ANGPT2: variants seen among roughly 807,000 people sequenced by gnomAD.
The protein encoded by ANGPT2 is angiopoietin-2.
ANGPT2 carries 28 observed loss-of-function variants against 62.9 expected under a neutral mutation model. The ratio of observed to expected loss-of-function variants is 0.44; its 90% confidence interval spans 0.33 to 0.61. The LOEUF is 0.61. Among genes scored for constraint, ANGPT2 ranks in the 20% least tolerant of loss-of-function variants. The pLI, the probability that ANGPT2 is intolerant of heterozygous loss-of-function variation, is 0.03. For synonymous variants in ANGPT2, 284 were observed against 207.8 expected (o/e 1.37, Z -3.15); for missense variants, 727 against 594.9 (o/e 1.22, Z -2.31).
intron 8 of ANGPT2, among the ~76,000 whole-genome samples, chr8:6,505,422 TAAAG>T (rs1813318602): frequency 3.6e-5 from 3 of 83,624 alleles, no homozygotes; most frequent in African/African-American, 1.4e-4. Context: ...TTTATATACA[TAAAG>T]AATATATATA....
chr8:6,539,834 G>C (rs1010702034), intron 1 of ANGPT2, among the ~76,000 whole-genome samples: 2 of 152,328 alleles, frequency 1.3e-5, no homozygotes, highest in East Asian at 3.9e-4. Context: ...CCATCTGCCT[G>C]CCTTGGCCTC....
At chr8:6,562,118 C>A (rs1228467527) in intron 1 of ANGPT2, among the ~76,000 whole-genome samples, 2 of 152,196 alleles carry the variant, frequency 1.3e-5, no homozygotes, top group Non-Finnish European at 2.9e-5. Context: ...AATTTCCTCT[C>A]GTTTACCAAG....
chr8:6,515,864 A>G (rs1461082078), intron 5 of ANGPT2, among the ~76,000 whole-genome samples: 1 of 152,186 alleles, frequency 6.6e-6, no homozygotes, highest in Non-Finnish European at 1.5e-5. Flanking sequence ...TTAGAATCCT[A>G]AAGAGGAGAG....
chr8:6,515,637 A>G (rs1816122682), intron 5 of ANGPT2, among the ~76,000 whole-genome samples: 1 of 152,254 alleles, frequency 6.6e-6, no homozygotes, highest in South Asian at 2.1e-4. Context: ...ATAAGATTAC[A>G]TAAATAGTTT....
At chr8:6,531,405 C>T (rs768133760) in intron 2 of ANGPT2, among the ~76,000 whole-genome samples, 42 of 152,068 alleles carry the variant, frequency 2.8e-4, no homozygotes, top group African/African-American at 8.4e-4. Flanking sequence ...TCTCCTGCCT[C>T]AGCCTCCCAA....
chr8:6,515,796 A>T (rs2129568084), intron 5 of ANGPT2, among the ~76,000 whole-genome samples: 1 of 152,328 alleles, frequency 6.6e-6, no homozygotes, highest in East Asian at 1.9e-4. Flanking sequence ...TCTTTTTGAG[A>T]ATAATGGAGG....
At chr8:6,546,274 G>C (rs561492548) in intron 1 of ANGPT2, among the ~76,000 whole-genome samples, 52 of 152,230 alleles carry the variant, frequency 3.4e-4, no homozygotes, top group African/African-American at 9.6e-5. Flanking sequence ...ACCCAGCAGT[G>C]TTCAATGACT....
At chr8:6,508,769 T>C in intron 8 of ANGPT2, 163 bp downstream of exon 8, 2 of 1,027,350 alleles carry the variant, frequency 1.9e-6, no homozygotes, top group South Asian at 2.8e-5. Flanking sequence ...AAACTTAGTC[T>C]AAAAAAAGTG....
At chr8:6,515,588 TC>T (rs1297008941) in intron 5 of ANGPT2, among the ~76,000 whole-genome samples, 2 of 152,198 alleles carry the variant, frequency 1.3e-5, no homozygotes, top group Non-Finnish European at 2.9e-5. Context: ...CAATTTCAAC[TC>T]AGCTGGAGTT....
Position 6,509,054 on chromosome 8 carries a change from A to G in ANGPT2, c.1205T>C (p.Leu402Pro), listed in dbSNP as rs1814383397. Reference sequence around the variant, plus strand: ...GCCGGCTGTCCCTGTAAGTCCTTTAAGGTGAATCCTGTAAGCGTGCAAAGA... The same window carrying G: ...GCCGGCTGTCCCTGTAAGTCCTTTAGGGTGAATCCTGTAAGCGTGCAAAGA... Reference protein sequence around the residue: ...SSEELNYRIHLKGLTGTAGKI... With the variant: ...SSEELNYRIHPKGLTGTAGKI... The change falls in exon 8 of 9, where the codon CTT (leucine) becomes CCT (proline). Residue 402 changes from leucine (L) to proline (P), a missense_variant. Physicochemically the swap from Leu to Pro is moderately conservative, Grantham distance 98. Coordinates refer to ENST00000629816, the MANE Select transcript of ANGPT2 (RefSeq NM_001118887.2). 3 of 1,613,982 alleles carry G rather than the reference A, an allele frequency of 1.9e-6. No individual in the cohort carries two copies. The highest frequency in any genetic ancestry group is 1.7e-6 in the Non-Finnish European group (2 of 1,179,948).
At chr8:6,528,598 C>CT (rs1818829971) in intron 2 of ANGPT2, among the ~76,000 whole-genome samples, 2 of 152,232 alleles carry the variant, frequency 1.3e-5, no homozygotes, top group African/African-American at 4.8e-5. Flanking sequence ...CCGTGCGGGC[C>CT]TTTGTGAGCT....
chr8:6,526,477 T>G (rs1156594061), intron 3 of ANGPT2, among the ~76,000 whole-genome samples: 1 of 151,974 alleles, frequency 6.6e-6, no homozygotes, highest in Non-Finnish European at 1.5e-5. Flanking sequence ...GCAGGATTGT[T>G]ATATCTCAAT....
At chr8:6,549,273 G>A (rs1823160200) in intron 1 of ANGPT2, among the ~76,000 whole-genome samples, 1 of 152,204 alleles carries the variant, frequency 6.6e-6, no homozygotes, top group Non-Finnish European at 1.5e-5. Context: ...ACACTGCACG[G>A]TGATGGAAAA....
chr8:6,505,297 A>ATTCTTTC (rs1563305797), intron 8 of ANGPT2, among the ~76,000 whole-genome samples: 3 of 74,280 alleles, frequency 4.0e-5, no homozygotes, highest in East Asian at 5.3e-4. Context: ...TTATATACAT[A>ATTCTTTC]TATATGTATA....
intron 3 of ANGPT2, 106 bp from the exon 4 acceptor site, chr8:6,521,516 G>A: frequency 1.2e-6 from 1 of 831,342 alleles, no homozygotes; most frequent in Non-Finnish European, 1.8e-6. Flanking sequence ...TATTGTAGTG[G>A]TTATAAAGTA....
At chr8:6,531,946 C>G (rs1819599007) in intron 2 of ANGPT2, among the ~76,000 whole-genome samples, 1 of 152,194 alleles carries the variant, frequency 6.6e-6, no homozygotes, top group Non-Finnish European at 1.5e-5. Flanking sequence ...GTTTCTAGCT[C>G]TTTGCCTCAG....
intron 8 of ANGPT2, among the ~76,000 whole-genome samples, chr8:6,505,905 AT>A (rs1387653978): frequency 9.8e-6 from 1 of 101,882 alleles, no homozygotes; most frequent in African/African-American, 4.8e-5. Flanking sequence ...AAACATACAT[AT>A]TCTTTATATA....
At chr8:6,529,716 C>T (rs35735391) in intron 2 of ANGPT2, among the ~76,000 whole-genome samples, 42,672 of 149,614 alleles carry the variant, frequency 0.29, 6,275 homozygotes, top group Middle Eastern at 0.4. Context: ...CCACCCACCT[C>T]GGCCTCTCAA....
chr8:6,550,670 T>C (rs530274267), intron 1 of ANGPT2, among the ~76,000 whole-genome samples: 11 of 152,290 alleles, frequency 7.2e-5, no homozygotes, highest in Non-Finnish European at 1.2e-4. Context: ...GGATTTTATA[T>C]TGAAATCTTT....
Sources: gnomAD v4.1 joint callset for allele counts (sites outside exome capture counted in the v4.1 genomes callset) on GRCh38, gnomAD v4.1.1 for gene constraint, MANE v1.5 for transcripts, NCBI Gene and HGNC (gene_info 2026-07-23, HGNC 2026-07-21) for gene names.